ASCC1: variants seen among roughly 807,000 people sequenced by gnomAD.
ASCC1 encodes the protein ASC-1 complex subunit P50.
Under a neutral mutation model 46.6 loss-of-function variants are expected in ASCC1, and 35 were observed. That is an observed-to-expected ratio of 0.75 (90% CI 0.57 to 0.99). The LOEUF is 0.99. Ranked by LOEUF, ASCC1 falls within the 50% of genes least tolerant of loss-of-function variation. The pLI, the probability that ASCC1 is intolerant of heterozygous loss-of-function variation, is 0.00. For synonymous variants in ASCC1, 143 were observed against 146.6 expected, an observed-to-expected ratio of 0.98 and a Z score of 0.18; for missense variants, 376 against 428.7, an observed-to-expected ratio of 0.88 and a Z score of 1.09.
chr10:72,159,875 C>T (rs2132661469), intron 6 of ASCC1, among the ~76,000 whole-genome samples: 1 of 151,626 alleles, frequency 6.6e-6, no homozygotes, highest in African/African-American at 2.4e-5. Flanking sequence ...AGATAACTGG[C>T]CCATAAAGTG....
At chr10:72,201,609 C>A (rs1856510787) in intron 4 of ASCC1, among the ~76,000 whole-genome samples, 1 of 151,934 alleles carries the variant, frequency 6.6e-6, no homozygotes, top group Non-Finnish European at 1.5e-5. Context: ...TTGCTTGAGC[C>A]CAGGAGTTCA....
chr10:72,185,818 T>C lies in ASCC1; in HGVS notation c.489+10993A>G, dbSNP rs149183536. 1.2e-4 allele frequency among the ~76,000 whole-genome samples: 18 copies of C among 152,294 alleles called. No homozygotes were observed. In the East Asian group the frequency reaches 2.9e-3, roughly 24 times the overall value. ...GTGCATTATAATGTTGTATATAAAG[T>C]ATAACTCATTAAAACTGACTTTTAA... On this transcript the variant is annotated intron_variant, in intron 5 of 9. Coordinates refer to ENST00000672957, the MANE Select transcript of ASCC1 (RefSeq NM_001198800.3).
At position 72,161,413 on chromosome 10, in the gene ASCC1, G is replaced by A. The variant is rs1849678197; in HGVS notation, c.626+125C>T. ...GAGGTTAGCCTGTATTGCCTGAGTGGGCTCCATCAAATCACATGAGTCCTT... is the reference window on the plus strand; with the variant it reads ...GAGGTTAGCCTGTATTGCCTGAGTGAGCTCCATCAAATCACATGAGTCCTT... On this transcript the variant is annotated intron_variant, in intron 6 of 9. Coordinates refer to ENST00000672957, the MANE Select transcript of ASCC1 (RefSeq NM_001198800.3). 2.5e-6 allele frequency: 3 copies of A among 1,210,158 alleles called. No homozygotes were observed. The East Asian group carries it at 7.1e-5, about 29-fold the overall frequency. 75.0% of individuals were successfully genotyped at this position (1,210,158 alleles called of 1,614,324 possible). A position where few individuals can be genotyped will look rare whatever the true frequency, so the allele number is the denominator to read the frequency against.
At chr10:72,154,650 T>C (rs1455185290) in intron 6 of ASCC1, among the ~76,000 whole-genome samples, 1 of 152,064 alleles carries the variant, frequency 6.6e-6, no homozygotes, top group African/African-American at 2.4e-5. Context: ...TGCCACCATG[T>C]CTGGCTAATT....
At chr10:72,130,304 T>C (rs1845438373) in intron 8 of ASCC1, among the ~76,000 whole-genome samples, 1 of 152,154 alleles carries the variant, frequency 6.6e-6, no homozygotes, top group Admixed American at 6.5e-5. Context: ...GAACTGATTG[T>C]GGTGATGGCT....
chr10:72,157,158 T>C (rs899762448), intron 6 of ASCC1, among the ~76,000 whole-genome samples: 1 of 152,124 alleles, frequency 6.6e-6, no homozygotes, highest in Non-Finnish European at 1.5e-5. Context: ...TAATAAGTCT[T>C]CCTATAGCCA....
intron 9 of ASCC1, among the ~76,000 whole-genome samples, chr10:72,116,282 G>A (rs921232829): frequency 2.6e-5 from 4 of 152,126 alleles, no homozygotes; most frequent in Admixed American, 2.6e-4. Flanking sequence ...TGAACTTCCT[G>A]CTTTTTGTTC....
intron 5 of ASCC1, among the ~76,000 whole-genome samples, chr10:72,169,359 G>A (rs559782167): frequency 1.3e-5 from 2 of 152,220 alleles, no homozygotes; most frequent in Admixed American, 1.3e-4. Context: ...AGGATCACTT[G>A]AGTCCCAGAG....
At chr10:72,213,134 A>G in intron 2 of ASCC1, 53 bp downstream of exon 2, 1 of 1,282,662 alleles carries the variant, frequency 7.8e-7, no homozygotes, top group South Asian at 1.2e-5. Flanking sequence ...AATTGATCCT[A>G]CAATACACAG....
intron 9 of ASCC1, among the ~76,000 whole-genome samples, chr10:72,117,364 G>C (rs932848117): frequency 6.6e-6 from 1 of 152,144 alleles, no homozygotes; most frequent in Non-Finnish European, 1.5e-5. Flanking sequence ...ATTTCTGTTT[G>C]CTACTGCCAT....
chr10:72,184,014 T>A (rs1308476751), intron 5 of ASCC1, among the ~76,000 whole-genome samples: 1 of 151,186 alleles, frequency 6.6e-6, no homozygotes, highest in Non-Finnish European at 1.5e-5. Flanking sequence ...TGTGGTGGCA[T>A]GCACCTGCAG....
chr10:72,195,139 GTT>G (rs142672810), intron 5 of ASCC1, among the ~76,000 whole-genome samples: 44 of 61,012 alleles, frequency 7.2e-4, no homozygotes, highest in African/African-American at 2.5e-3. Flanking sequence ...TTTTTGCTGT[GTT>G]TTTTTTTTTT....
chr10:72,152,491 A>G (rs1230627638), intron 7 of ASCC1, among the ~76,000 whole-genome samples: 1 of 152,184 alleles, frequency 6.6e-6, no homozygotes, highest in Non-Finnish European at 1.5e-5. Flanking sequence ...CTGAGTTCAC[A>G]AAGACTAGAT....
intron 9 of ASCC1, among the ~76,000 whole-genome samples, chr10:72,120,052 C>T (rs911424025): frequency 6.6e-6 from 1 of 152,094 alleles, no homozygotes; most frequent in Non-Finnish European, 1.5e-5. Flanking sequence ...GCCTGGCCAA[C>T]ATGGTGAAAT....
intron 7 of ASCC1, among the ~76,000 whole-genome samples, chr10:72,147,435 T>C (rs1041487030): frequency 6.6e-6 from 1 of 151,986 alleles, no homozygotes; most frequent in Non-Finnish European, 1.5e-5. Context: ...ATATTTTTAG[T>C]AGAGACAAGG....
intron 2 of ASCC1, among the ~76,000 whole-genome samples, chr10:72,211,678 C>G (rs1437550263): frequency 1.3e-5 from 2 of 151,986 alleles, no homozygotes; most frequent in African/African-American, 4.8e-5. Flanking sequence ...AAAAAATTAG[C>G]CAGGCATGGT....
At chr10:72,209,015 A>G (rs1483509076) in intron 3 of ASCC1, among the ~76,000 whole-genome samples, 6 of 152,046 alleles carry the variant, frequency 3.9e-5, no homozygotes, top group African/African-American at 9.7e-5. Context: ...AATACAAAAA[A>G]TTAGCCAGGC....
intron 3 of ASCC1, among the ~76,000 whole-genome samples, chr10:72,207,956 C>A (rs572400938): frequency 2.0e-5 from 3 of 152,138 alleles, no homozygotes; most frequent in African/African-American, 7.2e-5. Context: ...AGACTACAAG[C>A]ACTCACTACC....
chr10:72,215,394 GT>G (rs374714605), intron 1 of ASCC1, among the ~76,000 whole-genome samples: 5 of 152,262 alleles, frequency 3.3e-5, no homozygotes, highest in African/African-American at 1.2e-4. Flanking sequence ...GCGAGACTTC[GT>G]CTCAAAAAAA....
Sources: gnomAD v4.1 joint callset for allele counts (sites outside exome capture counted in the v4.1 genomes callset) on GRCh38, gnomAD v4.1.1 for gene constraint, MANE v1.5 for transcripts, NCBI Gene and HGNC (gene_info 2026-07-23, HGNC 2026-07-21) for gene names.